Variants in COX7A2L observed in about 807,000 individuals in gnomAD.
COX7A2L encodes the protein cytochrome c oxidase subunit 7A2-like, mitochondrial.
COX7A2L carries 18 observed loss-of-function variants against 14.2 expected under a neutral mutation model. The ratio of observed to expected loss-of-function variants is 1.27; its 90% CI spans 0.88 to 1.88. The LOEUF is 1.88. Among genes scored for constraint, COX7A2L ranks in the 40% most tolerant of loss-of-function variants. COX7A2L has a pLI of 0.00. For missense variants in COX7A2L, 179 were observed against 138.8 expected (o/e 1.29, Z -1.46); for synonymous variants, 65 against 57.4 (o/e 1.13, Z -0.60).
At chr2:42,344,578 C>G (rs538028129), downstream of COX7A2L, among the ~76,000 whole-genome samples, 1 of 152,152 alleles carries the variant, frequency 6.6e-6, no homozygotes, top group African/African-American at 2.4e-5. Context: ...GCAGGCCCGG[C>G]GCGGTGGCTC....
chr2:42,360,667 C>T (rs1397859040), intron 1 of COX7A2L, among the ~76,000 whole-genome samples: 1 of 152,200 alleles, frequency 6.6e-6, no homozygotes, highest in Non-Finnish European at 1.5e-5. Context: ...TAGCCCCGCG[C>T]TCTCTAATCT....
chr2:42,337,786 T>C (rs776334151), intron 2 of COX7A2L, among the ~76,000 whole-genome samples: 2 of 152,110 alleles, frequency 1.3e-5, no homozygotes, highest in Non-Finnish European at 2.9e-5. Flanking sequence ...TTTTTATGCT[T>C]TTGAAGGGAA....
In COX7A2L at chr2:42,342,603, C is replaced by G. The variant is rs1670421515; in HGVS notation, c.193-8734G>C. On this transcript the variant is annotated intron_variant, in intron 2 of 2. Coordinates refer to the COX7A2L transcript ENST00000468711. This position sits in a 1 kb window ranked among gnomAD's most constrained non-coding sequence, Gnocchi z 4.9. ...GTGATATTTGGAGTCAGCAAAGATT[C>G]CAATCTGGCTAATACACATTAGGCA... is the stretch of plus-strand genomic sequence containing the variant. 6.6e-6 allele frequency among the ~76,000 whole-genome samples: 1 copy of G among 152,204 alleles called. No individual in the cohort carries two copies. The highest frequency in any genetic ancestry group is 1.5e-5 in the Non-Finnish European group (1 of 68,032).
chr2:42,341,768 C>G (rs756449201), intron 2 of COX7A2L, among the ~76,000 whole-genome samples: 5 of 152,220 alleles, frequency 3.3e-5, no homozygotes, highest in Non-Finnish European at 7.3e-5. Context: ...AATGCTAGTT[C>G]ATGAAAGATT....
downstream of COX7A2L, among the ~76,000 whole-genome samples, chr2:42,345,350 T>G (rs1385296156): frequency 1.3e-5 from 2 of 152,028 alleles, no homozygotes; most frequent in Non-Finnish European, 2.9e-5. Context: ...ACCATTGCAC[T>G]CCAGCCTGGG....
chr2:42,351,973 G>T (rs961140351), intron 2 of COX7A2L, among the ~76,000 whole-genome samples: 2 of 152,062 alleles, frequency 1.3e-5, no homozygotes, highest in African/African-American at 4.8e-5. Context: ...ACAGAGTAAG[G>T]CTCTGTCTTA....
At chr2:42,344,249 G>A (rs988932816) in intron 2 of COX7A2L, among the ~76,000 whole-genome samples, 2 of 152,140 alleles carry the variant, frequency 1.3e-5, no homozygotes, top group African/African-American at 4.8e-5. Flanking sequence ...ACTGCAGTTG[G>A]ACACCCACCT....
At chr2:42,361,682 C>CGTCT (rs1671059731), upstream of COX7A2L, 1 of 152,866 alleles carries the variant, frequency 6.5e-6, no homozygotes, top group African/African-American at 2.4e-5. Flanking sequence ...GCGGAGCCAC[C>CGTCT]GTCTGGTCGT....
At position 42,361,089 on chromosome 2, in the gene COX7A2L, C is replaced by A. The variant is rs1234292647; in HGVS notation, c.72+1G>T. 3.7e-6 allele frequency: 6 copies of A among 1,613,502 alleles called. No individual in the cohort carries two copies. The highest frequency in any genetic ancestry group is 4.5e-5 in the East Asian group (2 of 44,842). ...CCGAGCTGGCCAGGCGCCACTCGTA[C>A]CTGCGGGCTATAGGCCTCCGAAGCC... On this transcript the variant is annotated splice_donor_variant, in intron 1 of 2. Coordinates refer to ENST00000234301, the MANE Select transcript of COX7A2L (RefSeq NM_004718.4). LOFTEE classifies it high-confidence loss of function.
intron 2 of COX7A2L, among the ~76,000 whole-genome samples, chr2:42,341,007 A>C (rs975736952): frequency 6.6e-6 from 1 of 150,978 alleles, no homozygotes; most frequent in Non-Finnish European, 1.5e-5. Context: ...AAGGGCCTCA[A>C]GTGCCCCAGC....
At chr2:42,361,218 A>T (rs1330259067), upstream of COX7A2L, 6 of 1,499,724 alleles carry the variant, frequency 4.0e-6, no homozygotes, top group Admixed American at 2.0e-5. Context: ...CCAGAGAAGG[A>T]CCCCGCCTCC....
Position 42,351,255 on chromosome 2 carries a change from G to T in COX7A2L, c.309C>A (p.Ile103=), listed in dbSNP as rs758542580. 1.9e-6 allele frequency: 3 copies of T among 1,614,140 alleles called. No individual in the cohort carries two copies. Among genetic ancestry groups the T allele is most frequent in the South Asian group, 2.2e-5 (2 of 91,074 alleles). The change falls in exon 3 of 3, where the codon ATC becomes ATA. Residue 103 remains isoleucine (I), a synonymous_variant. Coordinates refer to ENST00000234301, the MANE Select transcript of COX7A2L (RefSeq NM_004718.4). ...TGGGCTGCGAAGCCATGTAGAGGGCGATCAGGCAGTAGATGGTCCCTCCCA... is the reference window on the plus strand; with the variant it reads ...TGGGCTGCGAAGCCATGTAGAGGGCTATCAGGCAGTAGATGGTCCCTCCCA... ...LTVGGTIYCL[I]ALYMASQPKN...
At position 42,351,133 on chromosome 2, in the gene COX7A2L, G is replaced by A; in HGVS notation, c.*86C>T. On this transcript the variant is annotated 3_prime_UTR_variant, in exon 3 of 3. Coordinates refer to ENST00000234301, the MANE Select transcript of COX7A2L (RefSeq NM_004718.4). ...CTTGCAAAAATGTTAAGCCATCCAAGTAAAAAAAAAAATTTTAATTTAACA... is the reference window on the plus strand; with the variant it reads ...CTTGCAAAAATGTTAAGCCATCCAAATAAAAAAAAAAATTTTAATTTAACA... 7.3e-7 allele frequency: 1 copy of A among 1,366,008 alleles called. No individual in the cohort carries two copies. Among genetic ancestry groups the A allele is most frequent in the Non-Finnish European group, 9.8e-7 (1 of 1,017,450 alleles). 84.6% of individuals were successfully genotyped at this position (1,366,008 alleles called of 1,614,324 possible).
At chr2:42,362,258 T>C (rs1354638979), upstream of COX7A2L, among the ~76,000 whole-genome samples, 1 of 152,222 alleles carries the variant, frequency 6.6e-6, no homozygotes, top group East Asian at 1.9e-4. Flanking sequence ...CAAGGTACTG[T>C]GTAAAAGGAG....
At chr2:42,343,067 C>T (rs917117148) in intron 2 of COX7A2L, among the ~76,000 whole-genome samples, 6 of 152,194 alleles carry the variant, frequency 3.9e-5, no homozygotes, top group African/African-American at 9.6e-5. Flanking sequence ...CTCTCGTTCA[C>T]GTCATGAGAG....
At chr2:42,340,610 A>AC (rs1670383337) in intron 2 of COX7A2L, among the ~76,000 whole-genome samples, 1 of 149,408 alleles carries the variant, frequency 6.7e-6, no homozygotes, top group South Asian at 2.2e-4. Flanking sequence ...CTTCTCCCCG[A>AC]CCCCCCAGGC....
At chr2:42,360,703 G>T (rs1670998130) in intron 1 of COX7A2L, among the ~76,000 whole-genome samples, 1 of 59,948 alleles carries the variant, frequency 1.7e-5, no homozygotes, top group African/African-American at 7.5e-5. Context: ...CTGCCTATGG[G>T]GCTCTGGCAG....
chr2:42,339,572 C>T lies in COX7A2L; in HGVS notation c.193-5703G>A, dbSNP rs777084141. The stretch of plus-strand genomic sequence containing the variant: ...TCCTGGTTTCTTTCTTCCCTTCTGC[C>T]CTTCCTCCCTCCCTTTATCCCTCCC... On this transcript the variant is annotated intron_variant, in intron 2 of 2. Transcript: ENST00000468711. This position sits in a 1 kb window ranked among gnomAD's most constrained non-coding sequence, Gnocchi z 5.4. 1.4e-4 allele frequency among the ~76,000 whole-genome samples: 22 copies of T among 152,148 alleles called. No homozygotes were observed. Among genetic ancestry groups the T allele is most frequent in the Non-Finnish European group, 2.9e-5 (2 of 68,022 alleles).
downstream of COX7A2L, among the ~76,000 whole-genome samples, chr2:42,344,601 C>T (rs943829053): frequency 7.2e-5 from 11 of 152,116 alleles, no homozygotes; most frequent in Non-Finnish European, 1.6e-4. Context: ...GCCTGTAGTC[C>T]CAGCAGTTTG....
Sources: gnomAD v4.1 joint callset for allele counts (sites outside exome capture counted in the v4.1 genomes callset) on GRCh38, gnomAD v4.1.1 for gene constraint, Gnocchi (gnomAD v3.1) non-coding constraint, MANE v1.5 for transcripts, NCBI Gene and HGNC (gene_info 2026-07-23, HGNC 2026-07-21) for gene names.